The following HERC2 variants were observed in gnomAD, a reference collection of about 807,000 sequenced individuals.
HERC2 encodes the protein HECT and RLD domain containing E3 ubiquitin protein ligase 2, also known as E3 ubiquitin-protein ligase HERC2.
HERC2 carries 102 observed loss-of-function variants against 537.7 expected under a neutral mutation model. The observed-to-expected ratio is 0.19, with a 90% CI of 0.16 to 0.22. The LOEUF (loss-of-function observed/expected upper bound fraction) is 0.22, where lower values mean the gene tolerates loss of function less well. Among genes scored for constraint, HERC2 ranks in the 10% least tolerant of loss-of-function variants. The probability of loss-of-function intolerance (pLI) is 1.00; values close to 1 mark genes in which losing one functional copy is unlikely to be tolerated. For missense variants in HERC2, 4,236 were observed against 6,198.2 expected, an observed-to-expected ratio of 0.68 and a Z score of 10.63; for synonymous variants, 2,224 against 2,466.2, an observed-to-expected ratio of 0.90 and a Z score of 2.91.
intron 86 of HERC2, among the ~76,000 whole-genome samples, 192 bp downstream of exon 86, chr15:28,121,154 G>T (rs770429380): frequency 1.5e-4 from 23 of 152,200 alleles, no homozygotes; most frequent in Non-Finnish European, 2.8e-4. Flanking sequence ...TCTGTATAAA[G>T]AAACACACTG....
intron 35 of HERC2, among the ~76,000 whole-genome samples, chr15:28,224,693 G>A (rs957144766): frequency 2.6e-5 from 4 of 152,162 alleles, no homozygotes; most frequent in Admixed American, 2.6e-4. Flanking sequence ...ACCAAAAAGA[G>A]CAGAATACAC....
chr15:28,152,638 G>C, intron 70 of HERC2, 39 bp downstream of exon 70: 1 of 1,494,546 alleles, frequency 6.7e-7, no homozygotes, highest in Non-Finnish European at 9.0e-7. Context: ...TCTGAAGGTG[G>C]GAAAGGCTGC....
Position 28,176,632 on chromosome 15 carries a change from G to C in HERC2, c.9515-33C>G, listed in dbSNP as rs181258303. ...TAAGAAACACATATACTTCAGGCCA[G>C]CGTTTCATATCATTCCTACCCACCC... On this transcript the variant is annotated intron_variant, in intron 62 of 92. Transcript: ENST00000261609. This position sits in a 1 kb window ranked among gnomAD's most constrained non-coding sequence, Gnocchi z 5.0. The C allele has an allele frequency of 1.7e-5, 28 of 1,613,904 alleles. No individual in the cohort carries two copies. The African/African-American group carries it at 3.6e-4, about 21-fold the overall frequency.
intron 4 of HERC2, among the ~76,000 whole-genome samples, chr15:28,281,535 C>A (rs996261235): frequency 2.6e-5 from 4 of 152,186 alleles, no homozygotes; most frequent in Non-Finnish European, 5.9e-5. Context: ...TGGCTACCCA[C>A]TACCTGGATA....
At chr15:28,199,209 G>A (rs1897659417) in intron 48 of HERC2, among the ~76,000 whole-genome samples, 1 of 152,058 alleles carries the variant, frequency 6.6e-6, no homozygotes, top group Non-Finnish European at 1.5e-5. Context: ...TAATGATAAA[G>A]GGAAGAGAAA....
At chr15:28,116,227 T>C (rs1471666621) in intron 88 of HERC2, among the ~76,000 whole-genome samples, 2 of 150,016 alleles carry the variant, frequency 1.3e-5, no homozygotes, top group South Asian at 2.1e-4. Flanking sequence ...TTTTTCTTTT[T>C]TTTTTTTTTT....
At position 28,177,154 on chromosome 15, in the gene HERC2, ACAGT is replaced by A. The variant is rs1895365598; in HGVS notation, c.9255-31_9255-28del. The stretch of plus-strand genomic sequence containing the variant: ...TACAACAAGATGAAATCAGCTCTCT[ACAGT>A]CAATCTGTCCCTTCTTAGAGATGAA... On this transcript the variant is annotated intron_variant, in intron 60 of 92. Transcript: ENST00000261609. The surrounding 1 kb of genome is among the most constrained non-coding windows in gnomAD (Gnocchi z 5.0). 3.1e-6 allele frequency: 5 copies of A among 1,597,046 alleles called. No homozygotes were observed. In the East Asian group the frequency reaches 1.1e-4, roughly 36 times the overall value.
At chr15:28,256,755 T>C (rs2075275136) in intron 17 of HERC2, among the ~76,000 whole-genome samples, 2 of 152,120 alleles carry the variant, frequency 1.3e-5, no homozygotes, top group East Asian at 1.9e-4. Context: ...CCACCACAAC[T>C]GGCTAATTTT....
In HERC2 at chr15:28,265,124, G is replaced by A. The variant is rs140828476; in HGVS notation, c.1870+494C>T. 3.9e-3 allele frequency among the ~76,000 whole-genome samples: 600 copies of A among 152,170 alleles called. 4 individuals carry two copies. The highest frequency in any genetic ancestry group is 0.014 in the African/African-American group (568 of 41,502). ...ACAGACCACCACAATACTGAAAGAC[G>A]AGTCATTTCTAAAATATTAACATGA... On this transcript the variant is annotated intron_variant, in intron 14 of 92. Transcript: ENST00000261609. The surrounding 1 kb of genome is among the most constrained non-coding windows in gnomAD (Gnocchi z 4.0).
intron 4 of HERC2, among the ~76,000 whole-genome samples, chr15:28,290,509 C>T (rs2076282885): frequency 6.6e-6 from 1 of 152,134 alleles, no homozygotes; most frequent in Admixed American, 6.5e-5. Context: ...GGATTACAGG[C>T]ATGAGCCACC....
At chr15:28,156,270 T>C (rs575057043) in intron 69 of HERC2, among the ~76,000 whole-genome samples, 2 of 152,340 alleles carry the variant, frequency 1.3e-5, no homozygotes, top group South Asian at 4.1e-4. Context: ...CCAAATGAAC[T>C]TTAAAGTAGT....
chr15:28,160,622 G>A (rs1893494261), intron 69 of HERC2, among the ~76,000 whole-genome samples: 1 of 152,228 alleles, frequency 6.6e-6, no homozygotes, highest in Admixed American at 6.5e-5. Context: ...TTTTCCAGGT[G>A]CCTTCTGTCA....
intron 15 of HERC2, among the ~76,000 whole-genome samples, chr15:28,261,519 A>T (rs1250135546): frequency 6.6e-6 from 1 of 152,168 alleles, no homozygotes; most frequent in Non-Finnish European, 1.5e-5. Context: ...CAGCTGAAAA[A>T]CCACACTGCA....
At chr15:28,287,039 G>C (rs1169355703) in intron 4 of HERC2, among the ~76,000 whole-genome samples, 1 of 152,208 alleles carries the variant, frequency 6.6e-6, no homozygotes, top group Non-Finnish European at 1.5e-5. Context: ...TGGTGAATAT[G>C]TGCGTGCGCG....
chr15:28,124,159 G>C lies in HERC2; in HGVS notation c.13066C>G (p.Leu4356Val). Reference sequence around the variant, plus strand: ...ATGCAGGGGCAGAAGAGCTCGGAGAGGTGGTGCAGCAGCAGCAGACGGTTC... The same window carrying C: ...ATGCAGGGGCAGAAGAGCTCGGAGACGTGGTGCAGCAGCAGCAGACGGTTC... ...LRNRLLLLHH[L>V]SELFCPCIPM... Residue 4356 changes from leucine (L) to valine (V), a missense_variant, in exon 85 of 93, where the codon CTC (leucine) becomes GTC (valine). Leu to Val is a conservative substitution (Grantham distance 32). This residue lies in a region of HERC2 where 189 missense variants were observed against 255.7 expected (regional missense o/e 0.74). Coordinates refer to ENST00000261609, the MANE Select transcript of HERC2 (RefSeq NM_004667.6). 1 of 1,589,080 alleles carries C rather than the reference G, an allele frequency of 6.3e-7. No individual in the cohort carries two copies. The highest frequency in any genetic ancestry group is 1.1e-5 in the South Asian group (1 of 87,682).
At chr15:28,121,512 A>AAT in intron 85 of HERC2, 83 bp from the exon 86 acceptor site, 1 of 1,189,482 alleles carries the variant, frequency 8.4e-7, no homozygotes, top group Non-Finnish European at 1.3e-6. Context: ...GTTTTGTTTA[A>AAT]AATCTGTGTT....
rs539805640 is a variant in HERC2 at position 28,294,713 on chromosome 15, T to G, written c.188-1691A>C. ...CTCACCCTGTTCTTACTACAAAATG[T>G]GCCTCCCACAGCCCCTCGTGGTTCA... On this transcript the variant is annotated intron_variant, in intron 3 of 92. Transcript: ENST00000261609. 2.9e-4 allele frequency among the ~76,000 whole-genome samples: 44 copies of G among 152,086 alleles called. 1 individual carries two copies. Among genetic ancestry groups the G allele is most frequent in the African/African-American group, 9.4e-4 (39 of 41,540 alleles).
chr15:28,174,649 T>C (rs747771780), intron 64 of HERC2, 29 bp from the exon 65 acceptor site: 191 of 1,403,386 alleles, frequency 1.4e-4, no homozygotes, highest in Non-Finnish European at 1.8e-4. Flanking sequence ...AAGCTTATAA[T>C]TTTTCAACAT....
chr15:28,121,610 G>C (rs1425437146), intron 85 of HERC2, among the ~76,000 whole-genome samples, 181 bp from the exon 86 acceptor site: 2 of 152,208 alleles, frequency 1.3e-5, no homozygotes, highest in African/African-American at 4.8e-5. Flanking sequence ...GAAGCACACA[G>C]GGACAGACGG....
Sources: allele counts gnomAD v4.1 joint callset (sites outside exome capture counted in the v4.1 genomes callset), GRCh38; gene constraint gnomAD v4.1.1; regional missense constraint gnomAD v4.1.1; non-coding constraint Gnocchi (gnomAD v3.1); transcripts MANE v1.5; gene names NCBI Gene and HGNC (gene_info 2026-07-23, HGNC 2026-07-21).